The following BTBD9 variants were observed in gnomAD, a reference collection of about 807,000 sequenced individuals.
The protein encoded by BTBD9 is BTB domain containing 9, also known as BTB/POZ domain-containing protein 9.
A neutral mutation model predicts 64.3 loss-of-function variants in BTBD9; 49 were observed. That is an observed-to-expected ratio of 0.76 (90% CI 0.61 to 0.97). BTBD9 has a LOEUF of 0.97. BTBD9 is among the 50% of genes least tolerant of loss of function. BTBD9 has a pLI of 0.00. For synonymous variants in BTBD9, 260 were observed against 274.7 expected, an observed-to-expected ratio of 0.95 and a Z score of 0.53; for missense variants, 598 against 762.1, an observed-to-expected ratio of 0.78 and a Z score of 2.53.
chr6:38,602,602 A>G (rs558444695), intron 1 of BTBD9, among the ~76,000 whole-genome samples: 2 of 152,182 alleles, frequency 1.3e-5, no homozygotes, highest in South Asian at 4.2e-4. Context: ...CATACTTTGT[A>G]ATGTTTACAA....
chr6:38,454,792 C>A (rs1769722036), intron 6 of BTBD9, among the ~76,000 whole-genome samples: 1 of 148,872 alleles, frequency 6.7e-6, no homozygotes. Context: ...CAGAGCAAGA[C>A]TCTGTCTCTT....
chr6:38,207,720 T>C (rs1445920924), intron 9 of BTBD9, among the ~76,000 whole-genome samples: 5 of 152,230 alleles, frequency 3.3e-5, no homozygotes, highest in Non-Finnish European at 5.9e-5. Flanking sequence ...TATACTTGTT[T>C]ATGCATAAAC....
At chr6:38,624,321 C>T (rs889337341) in intron 1 of BTBD9, among the ~76,000 whole-genome samples, 3 of 152,188 alleles carry the variant, frequency 2.0e-5, no homozygotes, top group Admixed American at 6.5e-5. Flanking sequence ...CCCTTCCACA[C>T]TGTGGAAGCT....
intron 8 of BTBD9, among the ~76,000 whole-genome samples, chr6:38,269,090 C>A (rs558355334): frequency 1.3e-5 from 2 of 152,296 alleles, no homozygotes; most frequent in South Asian, 4.1e-4. Context: ...ACAATTTAAA[C>A]ACTTAGAATA....
chr6:38,585,300 T>C (rs1251402322), intron 4 of BTBD9, among the ~76,000 whole-genome samples: 1 of 152,134 alleles, frequency 6.6e-6, no homozygotes, highest in Non-Finnish European at 1.5e-5. Flanking sequence ...GCCAAAGAGT[T>C]TTATTTATTT....
chr6:38,451,774 C>A (rs1354080008), intron 6 of BTBD9, among the ~76,000 whole-genome samples: 1 of 152,150 alleles, frequency 6.6e-6, no homozygotes, highest in South Asian at 2.1e-4. Flanking sequence ...CTATGAACTG[C>A]ACTCTGAAAA....
At chr6:38,272,545 C>T (rs1765231709) in intron 8 of BTBD9, among the ~76,000 whole-genome samples, 1 of 152,138 alleles carries the variant, frequency 6.6e-6, no homozygotes, top group African/African-American at 2.4e-5. Context: ...CTCTGTTAAA[C>T]ACGTTCTTCT....
chr6:38,367,833 C>T (rs1166469286), intron 6 of BTBD9, among the ~76,000 whole-genome samples: 1 of 109,968 alleles, frequency 9.1e-6, no homozygotes, highest in African/African-American at 3.8e-5. Context: ...AAAAAAAAAC[C>T]ATCCCTGCCT....
chr6:38,343,231 T>C (rs756626077), intron 7 of BTBD9, among the ~76,000 whole-genome samples: 1 of 152,238 alleles, frequency 6.6e-6, no homozygotes, highest in African/African-American at 2.4e-5. Flanking sequence ...CTTCTGATGA[T>C]GCTGACTAGT....
intron 6 of BTBD9, among the ~76,000 whole-genome samples, chr6:38,456,838 T>C (rs1048528944): frequency 9.2e-5 from 14 of 152,132 alleles, no homozygotes; most frequent in African/African-American, 3.4e-4. Context: ...TATCAGCTAG[T>C]TAAAGAAATA....
intron 6 of BTBD9, among the ~76,000 whole-genome samples, chr6:38,523,105 C>A (rs1218162937): frequency 6.6e-6 from 1 of 152,262 alleles, no homozygotes. Flanking sequence ...ATCACCTGAA[C>A]CCAGAAGATG....
intron 6 of BTBD9, among the ~76,000 whole-genome samples, chr6:38,390,260 T>TTTGTAG (rs1396241041): frequency 1.3e-5 from 2 of 152,192 alleles, no homozygotes; most frequent in Non-Finnish European, 2.9e-5. Flanking sequence ...AATTTTTGTA[T>TTTGTAG]TTGTAGTAGA....
At chr6:38,264,779 G>A (rs759271389) in intron 8 of BTBD9, among the ~76,000 whole-genome samples, 41 of 152,180 alleles carry the variant, frequency 2.7e-4, no homozygotes, top group Non-Finnish European at 4.7e-4. Flanking sequence ...GGAGCCTAGA[G>A]CCCAGTAACC....
chr6:38,456,575 C>G (rs947368530), intron 6 of BTBD9, among the ~76,000 whole-genome samples: 1 of 152,084 alleles, frequency 6.6e-6, no homozygotes, highest in Non-Finnish European at 1.5e-5. Flanking sequence ...TTTGTTATCT[C>G]AGTGTGGTTT....
intron 6 of BTBD9, among the ~76,000 whole-genome samples, chr6:38,517,182 G>A (rs779647326): frequency 1.2e-4 from 19 of 152,126 alleles, no homozygotes; most frequent in Non-Finnish European, 2.5e-4. Flanking sequence ...TGTGAGCTCT[G>A]GAACACTGCC....
chr6:38,532,331 G>A (rs763724371), intron 6 of BTBD9, among the ~76,000 whole-genome samples: 13 of 152,096 alleles, frequency 8.5e-5, no homozygotes, highest in Non-Finnish European at 1.8e-4. Flanking sequence ...AAAGTTCTCT[G>A]GGATCCTAAA....
intron 9 of BTBD9, among the ~76,000 whole-genome samples, chr6:38,243,462 C>A (rs1364220332): frequency 1.3e-5 from 2 of 151,996 alleles, no homozygotes; most frequent in African/African-American, 4.8e-5. Context: ...TATAGAAATT[C>A]TCTGCAACAG....
chr6:38,499,711 G>GAA (rs61332968), intron 6 of BTBD9, among the ~76,000 whole-genome samples: 2 of 151,996 alleles, frequency 1.3e-5, no homozygotes, highest in East Asian at 1.9e-4. Context: ...ACCATGCAGA[G>GAA]AAAAACAAAA....
intron 6 of BTBD9, among the ~76,000 whole-genome samples, chr6:38,500,509 T>G (rs1456262254): frequency 6.6e-6 from 1 of 152,208 alleles, no homozygotes; most frequent in Non-Finnish European, 1.5e-5. Flanking sequence ...AAGATACCAT[T>G]TAATTTCTCA....
Sources: gnomAD v4.1 joint callset for allele counts (sites outside exome capture counted in the v4.1 genomes callset) on GRCh38, gnomAD v4.1.1 for gene constraint, MANE v1.5 for transcripts, NCBI Gene and HGNC (gene_info 2026-07-23, HGNC 2026-07-21) for gene names.